PIBF1: variants seen among roughly 807,000 people sequenced by gnomAD.
PIBF1 encodes progesterone immunomodulatory binding factor 1, also known as progesterone-induced-blocking factor 1.
In PIBF1, 90 loss-of-function variants were observed where a neutral mutation model predicts 112.5. The ratio of observed to expected loss-of-function variants is 0.80; its 90% CI spans 0.67 to 0.95. The LOEUF is 0.95. PIBF1 is among the 40% of genes least tolerant of loss of function. The pLI, the probability that PIBF1 is intolerant of heterozygous loss-of-function variation, is 0.00. For synonymous variants in PIBF1, 301 were observed against 288.6 expected (o/e 1.04, Z -0.44); for missense variants, 915 against 852.3 (o/e 1.07, Z -0.92).
intron 15 of PIBF1, among the ~76,000 whole-genome samples, chr13:72,971,579 C>G (rs993621448): frequency 2.0e-5 from 3 of 152,174 alleles, no homozygotes; most frequent in Non-Finnish European, 4.4e-5. Context: ...CATTTAATTA[C>G]TGTTTTACTC....
At chr13:72,906,081 G>C (rs1385690033) in intron 11 of PIBF1, among the ~76,000 whole-genome samples, 1 of 151,908 alleles carries the variant, frequency 6.6e-6, no homozygotes, top group African/African-American at 2.4e-5. Context: ...TTTTGGTGGG[G>C]GGGATTCTAC....
chr13:72,953,532 G>A (rs568530258), intron 14 of PIBF1, among the ~76,000 whole-genome samples: 2 of 152,316 alleles, frequency 1.3e-5, no homozygotes, highest in East Asian at 3.9e-4. Flanking sequence ...ACCAGCACCA[G>A]TTCTGATGGG....
In PIBF1 at chr13:72,913,585, C is replaced by T. The variant is rs770548556; in HGVS notation, c.1640-3491C>T. 3.8e-4 allele frequency among the ~76,000 whole-genome samples: 58 copies of T among 151,986 alleles called. 1 individual carries two copies. The highest frequency in any genetic ancestry group is 2.1e-4 in the South Asian group (1 of 4,826). ...TTGAGCCCAGAAGTTCAAGGCCAGC[C>T]GGGGCAACCTGGCAAGACCATCTCT... On this transcript the variant is annotated intron_variant, in intron 12 of 17. Transcript: ENST00000326291.
At chr13:72,856,947 G>T (rs1259153086) in intron 10 of PIBF1, among the ~76,000 whole-genome samples, 4 of 152,082 alleles carry the variant, frequency 2.6e-5, no homozygotes, top group Non-Finnish European at 4.4e-5. Context: ...TATAGTTACA[G>T]TTTTTACGTT....
chr13:72,937,247 T>A (rs2041894670), intron 14 of PIBF1, among the ~76,000 whole-genome samples: 1 of 152,208 alleles, frequency 6.6e-6, no homozygotes, highest in Admixed American at 6.5e-5. Context: ...ATTTTTCTTG[T>A]CTTCTTTTGG....
intron 16 of PIBF1, among the ~76,000 whole-genome samples, chr13:72,977,673 A>G (rs560377157): frequency 6.6e-6 from 1 of 152,370 alleles, no homozygotes; most frequent in African/African-American, 2.4e-5. Flanking sequence ...CATTTGGGGC[A>G]TGACCACAGA....
At chr13:72,874,875 TC>T (rs1464887956) in intron 10 of PIBF1, among the ~76,000 whole-genome samples, 1 of 152,076 alleles carries the variant, frequency 6.6e-6, no homozygotes, top group Non-Finnish European at 1.5e-5. Context: ...ATTATGAACA[TC>T]CCCACCAGAG....
At chr13:72,984,615 TCTC>T (rs1434349429) in intron 16 of PIBF1, among the ~76,000 whole-genome samples, 2 of 152,164 alleles carry the variant, frequency 1.3e-5, no homozygotes, top group Admixed American at 6.5e-5. Context: ...AAATGTTAAT[TCTC>T]CTCAGTTTTG....
chr13:72,958,548 A>G (rs1302208914), intron 14 of PIBF1, among the ~76,000 whole-genome samples: 3 of 152,034 alleles, frequency 2.0e-5, no homozygotes, highest in South Asian at 4.1e-4. Context: ...ATAATAAAAT[A>G]CTAGCAGAAA....
At chr13:72,912,119 A>C (rs1258036345) in intron 12 of PIBF1, among the ~76,000 whole-genome samples, 1 of 152,208 alleles carries the variant, frequency 6.6e-6, no homozygotes, top group African/African-American at 2.4e-5. Context: ...AAAGGCAAGG[A>C]AACAGATTTC....
chr13:72,900,288 T>A (rs982082484), intron 11 of PIBF1, among the ~76,000 whole-genome samples: 16 of 152,108 alleles, frequency 1.1e-4, no homozygotes, highest in Non-Finnish European at 2.4e-4. Flanking sequence ...AGAACCCGCA[T>A]AGCCAAAGCA....
intron 16 of PIBF1, among the ~76,000 whole-genome samples, chr13:72,983,037 A>G (rs1247246965): frequency 6.6e-6 from 1 of 152,160 alleles, no homozygotes; most frequent in Non-Finnish European, 1.5e-5. Context: ...AATATAAAAC[A>G]TCTGTTTTGG....
In PIBF1 at chr13:73,012,059, C is replaced by T. The variant is rs560885097; in HGVS notation, c.2224-3810C>T. Among the ~76,000 whole-genome samples, 27 of 152,074 alleles carry T rather than the reference C, an allele frequency of 1.8e-4. No homozygotes were observed. In the South Asian group the frequency reaches 3.9e-3, roughly 22 times the overall value. Reference sequence around the variant, plus strand: ...AGATCAAAACTGCTTATAACAGAAACGACAAATGCTGGCCGGGTGCAGTGG... The same window carrying T: ...AGATCAAAACTGCTTATAACAGAAATGACAAATGCTGGCCGGGTGCAGTGG... On this transcript the variant is annotated intron_variant, in intron 17 of 17. Coordinates refer to ENST00000326291, the MANE Select transcript of PIBF1 (RefSeq NM_006346.4).
intron 16 of PIBF1, among the ~76,000 whole-genome samples, chr13:72,989,641 G>A (rs1416636262): frequency 6.6e-6 from 1 of 151,912 alleles, no homozygotes; most frequent in African/African-American, 2.4e-5. Context: ...CTTAGGTTTT[G>A]GTTTGTTTTT....
intron 5 of PIBF1, 21 bp downstream of exon 5, chr13:72,798,047 T>C: frequency 6.4e-7 from 1 of 1,574,308 alleles, no homozygotes; most frequent in South Asian, 1.2e-5. Flanking sequence ...TTTTGATTGC[T>C]GGTGGGAAGA....
At chr13:72,888,533 A>G (rs2039941618) in intron 10 of PIBF1, among the ~76,000 whole-genome samples, 1 of 152,140 alleles carries the variant, frequency 6.6e-6, no homozygotes, top group South Asian at 2.1e-4. Context: ...CATGGGAGGC[A>G]ATTCTTAGGA....
At chr13:73,014,744 G>A (rs1395178933) in intron 17 of PIBF1, among the ~76,000 whole-genome samples, 1 of 122,088 alleles carries the variant, frequency 8.2e-6, no homozygotes, top group East Asian at 2.5e-4. Context: ...AGGCTTGAGT[G>A]TAGTGGCATG....
intron 16 of PIBF1, among the ~76,000 whole-genome samples, chr13:72,980,117 A>G (rs2043120561): frequency 6.6e-6 from 1 of 152,202 alleles, no homozygotes; most frequent in Non-Finnish European, 1.5e-5. Context: ...AAGTGGATAT[A>G]TACACTAGAG....
chr13:72,959,989 G>T (rs941991481), intron 14 of PIBF1, among the ~76,000 whole-genome samples: 5 of 152,116 alleles, frequency 3.3e-5, no homozygotes, highest in African/African-American at 1.2e-4. Context: ...AAACTCTATT[G>T]AAGGAATTAA....
Sources: allele counts gnomAD v4.1 joint callset (sites outside exome capture counted in the v4.1 genomes callset), GRCh38; gene constraint gnomAD v4.1.1; transcripts MANE v1.5; gene names NCBI Gene and HGNC (gene_info 2026-07-23, HGNC 2026-07-21).